Variants in GRM7 observed in about 807,000 individuals in gnomAD.
The protein encoded by GRM7 is metabotropic glutamate receptor 7.
GRM7 carries 35 observed loss-of-function variants against 84.5 expected under a neutral mutation model. The ratio of observed to expected loss-of-function variants is 0.41; its 90% CI spans 0.32 to 0.55. GRM7 has a LOEUF of 0.55. Among genes scored for constraint, GRM7 ranks in the 20% least tolerant of loss-of-function variants. The pLI is 0.19. For synonymous variants in GRM7, 487 were observed against 455.1 expected (o/e 1.07, Z -0.89); for missense variants, 1,003 against 1,194.6 (o/e 0.84, Z 2.36).
At chr3:7,713,135 T>TG (rs1559501766) in intron 9 of GRM7, among the ~76,000 whole-genome samples, 2 of 128,478 alleles carry the variant, frequency 1.6e-5, no homozygotes, top group African/African-American at 5.6e-5. Flanking sequence ...TTTTTTTTTT[T>TG]TTTTTTTTTT....
chr3:7,591,433 C>T (rs552267188), intron 8 of GRM7: 14 of 440,852 alleles, frequency 3.2e-5, no homozygotes, highest in South Asian at 2.3e-4. Context: ...AATGAATGTC[C>T]AAAGTGATCA....
At chr3:7,173,823 T>C (rs1476716545) in intron 2 of GRM7, among the ~76,000 whole-genome samples, 5 of 152,240 alleles carry the variant, frequency 3.3e-5, no homozygotes, top group Admixed American at 2.6e-4. Context: ...GTTTCCTCTT[T>C]AATAGCTTAT....
Position 6,976,792 on chromosome 3 carries a change from G to T in GRM7, c.519+114885G>T, listed in dbSNP as rs1035652424. Among the ~76,000 whole-genome samples the T allele has an allele frequency of 3.3e-5, 5 of 152,060 alleles. No homozygotes were observed. The South Asian group carries it at 1.0e-3, about 32-fold the overall frequency. ...TGAAACAAAATCTACCATCTGCACT[G>T]CCAAATACTTAAGTAAGATGTGTTA... is the stretch of plus-strand genomic sequence containing the variant. On this transcript the variant is annotated intron_variant, in intron 1 of 9. Transcript: ENST00000357716.
At chr3:7,600,064 C>T (rs1040425177) in intron 8 of GRM7, among the ~76,000 whole-genome samples, 1 of 152,058 alleles carries the variant, frequency 6.6e-6, no homozygotes, top group Non-Finnish European at 1.5e-5. Context: ...AAAGATGTTG[C>T]CATCATAGAC....
rs1697399135 is a variant in GRM7, at chr3:6,928,845, A to T, written c.519+66938A>T. ...TGTGAACACTTGTTTGTCATTCATGATGATTAGGTTCCCCCATATTTGAAC... is the reference window on the plus strand; with the variant it reads ...TGTGAACACTTGTTTGTCATTCATGTTGATTAGGTTCCCCCATATTTGAAC... On this transcript the variant is annotated intron_variant, in intron 1 of 9. Transcript: ENST00000357716. The surrounding 1 kb of genome is among the most constrained non-coding windows in gnomAD (Gnocchi z 4.5). Among the ~76,000 whole-genome samples the T allele has an allele frequency of 1.3e-5, 2 of 152,206 alleles. No homozygotes were observed. The highest frequency in any genetic ancestry group is 4.8e-5 in the African/African-American group (2 of 41,454).
At chr3:7,330,713 C>T (rs1292752974) in intron 4 of GRM7, among the ~76,000 whole-genome samples, 2 of 152,178 alleles carry the variant, frequency 1.3e-5, no homozygotes, top group East Asian at 1.9e-4. Context: ...TGAGGCCTCC[C>T]CAGCCACGTG....
intron 1 of GRM7, among the ~76,000 whole-genome samples, chr3:6,889,594 C>T (rs1031001971): frequency 1.9e-4 from 29 of 152,130 alleles, no homozygotes; most frequent in African/African-American, 6.3e-4. Context: ...ACTTAATCAT[C>T]GTGGATAACC....
chr3:7,168,867 G>A (rs1694892479), intron 2 of GRM7, among the ~76,000 whole-genome samples: 1 of 151,994 alleles, frequency 6.6e-6, no homozygotes, highest in South Asian at 2.1e-4. Flanking sequence ...CCATATAGAG[G>A]ATAAATCTCC....
intron 2 of GRM7, among the ~76,000 whole-genome samples, chr3:7,217,284 A>G (rs1696646399): frequency 6.6e-6 from 1 of 152,164 alleles, no homozygotes; most frequent in South Asian, 2.1e-4. Flanking sequence ...ACATTCACTA[A>G]AGTGTGTACT....
intron 4 of GRM7, among the ~76,000 whole-genome samples, chr3:7,409,853 G>C (rs942260909): frequency 3.3e-5 from 5 of 152,148 alleles, no homozygotes; most frequent in Non-Finnish European, 5.9e-5. Context: ...GCCCACCTCA[G>C]CCTCCCAAAC....
rs140501783 is a variant in GRM7, at chr3:7,596,888, G to T, written c.2451+17531G>T. Among the ~76,000 whole-genome samples the T allele has an allele frequency of 2.6e-3, 402 of 152,170 alleles. 1 individual carries two copies. The highest frequency in any genetic ancestry group is 9.2e-3 in the African/African-American group (381 of 41,520). ...GAGGGTTATAGGATCAAGGGAGGGGGCCTTTAAATGTTTGTCTGGTGAAGA... is the reference window on the plus strand; with the variant it reads ...GAGGGTTATAGGATCAAGGGAGGGGTCCTTTAAATGTTTGTCTGGTGAAGA... On this transcript the variant is annotated intron_variant, in intron 8 of 9. Transcript: ENST00000357716.
intron 7 of GRM7, among the ~76,000 whole-genome samples, chr3:7,532,875 T>TAA (rs200116512): frequency 0.011 from 926 of 86,498 alleles, 10 homozygotes; most frequent in African/African-American, 0.034. Context: ...CCAACAAAGA[T>TAA]AAAAAAAAAA....
chr3:7,286,684 C>A (rs1201855701), intron 2 of GRM7, among the ~76,000 whole-genome samples: 1 of 152,126 alleles, frequency 6.6e-6, no homozygotes, highest in Non-Finnish European at 1.5e-5. Context: ...TCACTTGTGT[C>A]TCTTTCTAGA....
At chr3:6,995,498 A>G (rs1199631879) in intron 1 of GRM7, among the ~76,000 whole-genome samples, 1 of 152,236 alleles carries the variant, frequency 6.6e-6, no homozygotes, top group African/African-American at 2.4e-5. Context: ...CTGCCTAACT[A>G]CTATTACACT....
chr3:7,417,105 A>G (rs536310047), intron 5 of GRM7, among the ~76,000 whole-genome samples: 31 of 152,258 alleles, frequency 2.0e-4, no homozygotes, highest in African/African-American at 7.2e-4. Flanking sequence ...CAAACTAGTA[A>G]GGTCATTATG....
chr3:7,534,513 C>G (rs950213106), intron 7 of GRM7, among the ~76,000 whole-genome samples: 4 of 152,252 alleles, frequency 2.6e-5, no homozygotes, highest in African/African-American at 9.6e-5. Context: ...AACCACTATG[C>G]TTTACTACCT....
chr3:7,226,572 A>G (rs1054651435), intron 2 of GRM7, among the ~76,000 whole-genome samples: 5 of 152,194 alleles, frequency 3.3e-5, no homozygotes, highest in African/African-American at 1.2e-4. Context: ...GCCACATTCT[A>G]TTGGTTAGAA....
intron 9 of GRM7, among the ~76,000 whole-genome samples, chr3:7,705,818 T>C (rs1008123754): frequency 6.6e-6 from 1 of 152,208 alleles, no homozygotes; most frequent in Non-Finnish European, 1.5e-5. Flanking sequence ...GTTTTGACTT[T>C]ATTCTAAGAG....
At chr3:6,974,648 AT>A (rs1292542561) in intron 1 of GRM7, among the ~76,000 whole-genome samples, 2 of 152,174 alleles carry the variant, frequency 1.3e-5, no homozygotes, top group Non-Finnish European at 2.9e-5. Context: ...AGAGGTCGTG[AT>A]CAACTGTGTT....
Sources: allele counts gnomAD v4.1 joint callset (sites outside exome capture counted in the v4.1 genomes callset), GRCh38; gene constraint gnomAD v4.1.1; non-coding constraint Gnocchi (gnomAD v3.1); transcripts MANE v1.5; gene names NCBI Gene and HGNC (gene_info 2026-07-23, HGNC 2026-07-21).